The following NRG3 variants were observed in gnomAD, a reference collection of about 807,000 sequenced individuals.
NRG3 encodes pro-neuregulin-3, membrane-bound isoform.
A neutral mutation model predicts 66.9 loss-of-function variants in NRG3; 31 were observed. The ratio of observed to expected loss-of-function variants is 0.46; its 90% CI spans 0.35 to 0.63. The LOEUF (loss-of-function observed/expected upper bound fraction) is 0.63. Among genes scored for constraint, NRG3 ranks in the 20% least tolerant of loss-of-function variants. NRG3 has a pLI of 0.00. For synonymous variants in NRG3, 393 were observed against 359.4 expected, an observed-to-expected ratio of 1.09 and a Z score of -1.06; for missense variants, 910 against 878.9, an observed-to-expected ratio of 1.04 and a Z score of -0.45.
intron 1 of NRG3, among the ~76,000 whole-genome samples, chr10:82,051,482 C>T (rs2063589911): frequency 6.6e-6 from 1 of 152,128 alleles, no homozygotes; most frequent in South Asian, 2.1e-4. Context: ...AGTTTGGATC[C>T]CAGCACAGGC....
chr10:82,020,744 C>T (rs1284850326), intron 1 of NRG3, among the ~76,000 whole-genome samples: 1 of 152,056 alleles, frequency 6.6e-6, no homozygotes, highest in Non-Finnish European at 1.5e-5. Flanking sequence ...AATTGTCTTG[C>T]CATCTTTATC....
At chr10:82,547,883 C>A (rs1385613964) in intron 2 of NRG3, among the ~76,000 whole-genome samples, 1 of 151,982 alleles carries the variant, frequency 6.6e-6, no homozygotes, top group Non-Finnish European at 1.5e-5. Context: ...GCAGAAGAAA[C>A]TAATGGGGTT....
At chr10:82,847,492 T>C (rs74964872) in intron 3 of NRG3, among the ~76,000 whole-genome samples, 1 of 152,228 alleles carries the variant, frequency 6.6e-6, no homozygotes, top group Non-Finnish European at 1.5e-5. Context: ...AAGTAACTTA[T>C]CTAAGGTCAA....
At chr10:82,765,657 T>C (rs2059487035) in intron 3 of NRG3, among the ~76,000 whole-genome samples, 1 of 152,186 alleles carries the variant, frequency 6.6e-6, no homozygotes. Context: ...TTCATTTTAC[T>C]TTTCTCTTTT....
chr10:82,679,457 G>A (rs1224802865), intron 2 of NRG3, among the ~76,000 whole-genome samples: 2 of 152,126 alleles, frequency 1.3e-5, no homozygotes, highest in African/African-American at 4.8e-5. Flanking sequence ...TAATATAATA[G>A]TTAATATTTA....
intron 1 of NRG3, among the ~76,000 whole-genome samples, chr10:82,192,219 G>A (rs1337357379): frequency 1.3e-5 from 2 of 152,038 alleles, no homozygotes; most frequent in Non-Finnish European, 2.9e-5. Flanking sequence ...GCTAACAATT[G>A]CAATTATCAC....
intron 1 of NRG3, among the ~76,000 whole-genome samples, chr10:82,084,391 A>AT (rs141056770): frequency 0.039 from 5,900 of 151,660 alleles, 153 homozygotes; most frequent in East Asian, 0.1. Context: ...GAATGTCATC[A>AT]AAAAATTTGC....
chr10:82,963,197 A>C (rs1270192095), intron 6 of NRG3, among the ~76,000 whole-genome samples: 1 of 152,224 alleles, frequency 6.6e-6, no homozygotes, highest in Non-Finnish European at 1.5e-5. Flanking sequence ...GTTGGCCTAA[A>C]GGAAAACAAA....
chr10:82,107,265 T>G (rs1388436253), intron 1 of NRG3, among the ~76,000 whole-genome samples: 1 of 152,162 alleles, frequency 6.6e-6, no homozygotes, highest in South Asian at 2.1e-4. Context: ...TTTGGAAACT[T>G]GGATTTTGGA....
At chr10:82,699,160 C>T (rs531130430) in intron 2 of NRG3, among the ~76,000 whole-genome samples, 1 of 151,936 alleles carries the variant, frequency 6.6e-6, no homozygotes, top group Admixed American at 6.6e-5. Flanking sequence ...TTGTGTTAAT[C>T]TTGAAGTAAT....
chr10:82,436,437 T>A (rs999806069), intron 2 of NRG3, among the ~76,000 whole-genome samples: 1 of 152,186 alleles, frequency 6.6e-6, no homozygotes, highest in African/African-American at 2.4e-5. Flanking sequence ...CCTTTGCATG[T>A]AAGGTGGGTC....
chr10:82,481,307 A>G (rs759883626), intron 2 of NRG3, among the ~76,000 whole-genome samples: 35 of 152,154 alleles, frequency 2.3e-4, no homozygotes, highest in Non-Finnish European at 4.3e-4. Flanking sequence ...TTCTTCAGCC[A>G]TTATTTATTT....
chr10:82,010,046 G>A (rs2061517952), intron 1 of NRG3, among the ~76,000 whole-genome samples: 1 of 152,140 alleles, frequency 6.6e-6, no homozygotes, highest in Admixed American at 6.5e-5. Flanking sequence ...CTGAGATGTA[G>A]GGCAGACTGT....
chr10:82,042,509 G>A (rs2133030008), intron 1 of NRG3, among the ~76,000 whole-genome samples: 1 of 152,128 alleles, frequency 6.6e-6, no homozygotes, highest in Admixed American at 6.6e-5. Context: ...ATATTTTGAA[G>A]TTGGTGCTAC....
intron 2 of NRG3, among the ~76,000 whole-genome samples, chr10:82,726,613 A>C (rs1565246129): frequency 6.6e-6 from 1 of 151,748 alleles, no homozygotes; most frequent in Non-Finnish European, 1.5e-5. Context: ...AGTCCATTAA[A>C]CCTCTTTTGT....
At chr10:82,795,016 C>T (rs1028220578) in intron 3 of NRG3, among the ~76,000 whole-genome samples, 1 of 152,076 alleles carries the variant, frequency 6.6e-6, no homozygotes, top group African/African-American at 2.4e-5. Context: ...TATGCTGTCA[C>T]TGAGAAAGAG....
At chr10:82,350,428 G>A (rs1034905168) in intron 1 of NRG3, among the ~76,000 whole-genome samples, 3 of 152,204 alleles carry the variant, frequency 2.0e-5, no homozygotes, top group African/African-American at 7.2e-5. Context: ...AGTTTGAGAA[G>A]AGTATGGAGA....
intron 1 of NRG3, among the ~76,000 whole-genome samples, chr10:82,176,679 T>G (rs1384984150): frequency 1.3e-5 from 2 of 152,076 alleles, no homozygotes; most frequent in Non-Finnish European, 2.9e-5. Context: ...TGATTTATTT[T>G]TATCTCTGTC....
rs1354393043 is a variant in NRG3, at chr10:82,358,833, G to T, written c.918G>T (p.Val306=). 6.2e-7 allele frequency: 1 copy of T among 1,614,184 alleles called. No homozygotes were observed. The highest frequency in any genetic ancestry group is 2.2e-5 in the East Asian group (1 of 44,864). ...GTCTCAATGATGGCGAGTGCTTTGT[G>T]ATCGAAACCCTGACCGGATCCCATA... ...AYCLNDGECF[V]IETLTGSHKH... The change falls in exon 2 of 9, where the codon GTG becomes GTT. Residue 306 remains valine, a synonymous_variant. Coordinates refer to ENST00000372141, the MANE Select transcript of NRG3 (RefSeq NM_001010848.4).
Sources: gnomAD v4.1 joint callset for allele counts (sites outside exome capture counted in the v4.1 genomes callset) on GRCh38, gnomAD v4.1.1 for gene constraint, MANE v1.5 for transcripts, NCBI Gene and HGNC (gene_info 2026-07-23, HGNC 2026-07-21) for gene names.